The following PLCXD3 variants were observed in gnomAD, a reference collection of about 807,000 sequenced individuals.
PLCXD3 encodes phosphatidylinositol specific phospholipase C X domain containing 3.
PLCXD3 carries 19 observed loss-of-function variants against 25.5 expected under a neutral mutation model. That is an observed-to-expected ratio of 0.75 (90% confidence interval 0.52 to 1.09). PLCXD3 has a LOEUF of 1.09. Among genes scored for constraint, PLCXD3 ranks in the 50% least tolerant of loss-of-function variants. The probability of loss-of-function intolerance (pLI) is 0.00; values close to 1 mark genes in which losing one functional copy is unlikely to be tolerated. For synonymous variants in PLCXD3, 174 were observed against 137.6 expected (o/e 1.26, Z -1.85); for missense variants, 411 against 388.1 (o/e 1.06, Z -0.50).
chr5:41,333,502 C>T (rs1472992434), intron 2 of PLCXD3, among the ~76,000 whole-genome samples: 1 of 152,074 alleles, frequency 6.6e-6, no homozygotes, highest in Non-Finnish European at 1.5e-5. Flanking sequence ...TCAAAATAAC[C>T]TCAGGTAGAC....
chr5:41,317,547 C>G (rs1274214449), intron 2 of PLCXD3, among the ~76,000 whole-genome samples: 1 of 151,956 alleles, frequency 6.6e-6, no homozygotes, highest in Non-Finnish European at 1.5e-5. Flanking sequence ...CCTGGAGAAA[C>G]AGAGATATGT....
intron 2 of PLCXD3, among the ~76,000 whole-genome samples, chr5:41,325,587 G>T (rs1486083028): frequency 6.6e-6 from 1 of 152,024 alleles, no homozygotes; most frequent in Non-Finnish European, 1.5e-5. Context: ...TTTTTTGTTT[G>T]GTGTCTGAAG....
intron 1 of PLCXD3, among the ~76,000 whole-genome samples, chr5:41,456,218 G>A (rs960547174): frequency 1.4e-4 from 22 of 151,914 alleles, no homozygotes; most frequent in African/African-American, 3.4e-4. Flanking sequence ...GATAGATAAC[G>A]GAAGTTGTTT....
At chr5:41,492,994 A>T (rs1440374740) in intron 1 of PLCXD3, among the ~76,000 whole-genome samples, 1 of 152,150 alleles carries the variant, frequency 6.6e-6, no homozygotes, top group African/African-American at 2.4e-5. Context: ...CCTTTGGAGG[A>T]GGAGAGGCGC....
chr5:41,334,628 C>T (rs922109404), intron 2 of PLCXD3, among the ~76,000 whole-genome samples: 1 of 152,092 alleles, frequency 6.6e-6, no homozygotes, highest in Non-Finnish European at 1.5e-5. Flanking sequence ...AAAAGTAATG[C>T]AGACAAATCA....
chr5:41,477,722 A>T (rs1748312268), intron 1 of PLCXD3, among the ~76,000 whole-genome samples: 1 of 152,120 alleles, frequency 6.6e-6, no homozygotes, highest in African/African-American at 2.4e-5. Context: ...CATTCTGAAG[A>T]GGCTGTCCTA....
At chr5:41,323,341 C>A (rs1743532563) in intron 2 of PLCXD3, among the ~76,000 whole-genome samples, 1 of 152,118 alleles carries the variant, frequency 6.6e-6, no homozygotes, top group African/African-American at 2.4e-5. Context: ...AATAACTATA[C>A]ATTTTAAAAT....
intron 1 of PLCXD3, among the ~76,000 whole-genome samples, chr5:41,451,635 C>A: frequency 6.7e-6 from 1 of 150,234 alleles, no homozygotes. Flanking sequence ...GAGATCTTTC[C>A]TCTCTCTTTT....
chr5:41,380,239 A>G (rs1745416466), intron 2 of PLCXD3, among the ~76,000 whole-genome samples: 1 of 152,046 alleles, frequency 6.6e-6, no homozygotes, highest in South Asian at 2.1e-4. Flanking sequence ...GAATGCTTCC[A>G]TTACCTGTCC....
intron 2 of PLCXD3, among the ~76,000 whole-genome samples, chr5:41,368,477 A>C (rs1401146919): frequency 6.6e-6 from 1 of 152,170 alleles, no homozygotes; most frequent in Non-Finnish European, 1.5e-5. Flanking sequence ...TATGCCATCC[A>C]CAAACAAAGA....
At chr5:41,380,889 C>G (rs1745437908) in intron 2 of PLCXD3, among the ~76,000 whole-genome samples, 1 of 152,084 alleles carries the variant, frequency 6.6e-6, no homozygotes, top group African/African-American at 2.4e-5. Context: ...GCAGGAAAAA[C>G]TGTGATTGCT....
At chr5:41,480,252 T>C (rs1040969279) in intron 1 of PLCXD3, among the ~76,000 whole-genome samples, 1 of 152,148 alleles carries the variant, frequency 6.6e-6, no homozygotes, top group Non-Finnish European at 1.5e-5. Flanking sequence ...CAAAATGCCA[T>C]CTCCTAGGGT....
intron 2 of PLCXD3, among the ~76,000 whole-genome samples, chr5:41,315,565 A>C (rs1743266374): frequency 6.6e-6 from 1 of 152,208 alleles, no homozygotes; most frequent in African/African-American, 2.4e-5. Context: ...CTATTTACAC[A>C]GCAAAAAACA....
intron 1 of PLCXD3, among the ~76,000 whole-genome samples, chr5:41,397,808 C>G (rs1746055647): frequency 6.6e-6 from 1 of 152,182 alleles, no homozygotes. Flanking sequence ...CTGAATGTGA[C>G]ACATAGAGTC....
Position 41,483,744 on chromosome 5 carries a change from A to C in PLCXD3, c.103+26680T>G, listed in dbSNP as rs1428625839. Among the ~76,000 whole-genome samples the C allele has an allele frequency of 3.3e-5, 5 of 152,170 alleles. No homozygotes were observed. In the East Asian group the frequency reaches 9.6e-4, roughly 29 times the overall value. ...TATATTTACAACTATTAAAAAACAA[A>C]TGTTTAAAAAATATGACAATATTTC... is the stretch of plus-strand genomic sequence containing the variant. On this transcript the variant is annotated intron_variant, in intron 1 of 2. Transcript: ENST00000377801.
chr5:41,425,795 T>A (rs1287150087), intron 1 of PLCXD3, among the ~76,000 whole-genome samples: 1 of 152,204 alleles, frequency 6.6e-6, no homozygotes, highest in Non-Finnish European at 1.5e-5. Flanking sequence ...TTCGATGTGT[T>A]TTCATAGCTT....
intron 1 of PLCXD3, among the ~76,000 whole-genome samples, chr5:41,463,149 G>GTT (rs1747933137): frequency 6.6e-6 from 1 of 151,910 alleles, no homozygotes. Context: ...TATACAACAG[G>GTT]GTAATCTCAC....
In PLCXD3 at chr5:41,402,649, G is replaced by C. The variant is rs113256628; in HGVS notation, c.104-20115C>G. 5.8e-3 allele frequency among the ~76,000 whole-genome samples: 874 copies of C among 151,806 alleles called. 4 individuals are homozygous for C. The highest frequency in any genetic ancestry group is 0.01 in the Middle Eastern group (3 of 286). ...ATCTGTTTTATTAATTATTGAGAAA[G>C]GAATTTTAAAATGTCTAACAAAATT... On this transcript the variant is annotated intron_variant, in intron 1 of 2. Transcript: ENST00000377801.
intron 1 of PLCXD3, among the ~76,000 whole-genome samples, chr5:41,417,728 C>T (rs577693798): frequency 3.4e-4 from 52 of 152,252 alleles, no homozygotes; most frequent in African/African-American, 1.1e-3. Flanking sequence ...TATAGGGCTG[C>T]GCTGAGCAAA....
Sources: gnomAD v4.1 joint callset for allele counts (sites outside exome capture counted in the v4.1 genomes callset) on GRCh38, gnomAD v4.1.1 for gene constraint, MANE v1.5 for transcripts, NCBI Gene and HGNC (gene_info 2026-07-23, HGNC 2026-07-21) for gene names.